GRIN2A: variants seen among roughly 807,000 people sequenced by gnomAD.
GRIN2A encodes glutamate ionotropic receptor NMDA type subunit 2A.
In GRIN2A, 22 loss-of-function variants were observed where a neutral mutation model predicts 113.4. The observed-to-expected ratio is 0.19, with a 90% CI of 0.14 to 0.28. The LOEUF is 0.28. Among genes scored for constraint, GRIN2A ranks in the 10% least tolerant of loss-of-function variants. The probability of loss-of-function intolerance (pLI) is 1.00; values close to 1 mark genes in which losing one functional copy is unlikely to be tolerated. For synonymous variants in GRIN2A, 827 were observed against 738.4 expected (o/e 1.12, Z -1.94); for missense variants, 1,502 against 1,887.0 (o/e 0.80, Z 3.78).
At chr16:9,974,475 C>T (rs1212448820) in intron 2 of GRIN2A, among the ~76,000 whole-genome samples, 1 of 152,196 alleles carries the variant, frequency 6.6e-6, no homozygotes, top group African/African-American at 2.4e-5. Context: ...CTCAATCGAT[C>T]ACGACCCTCT....
intron 4 of GRIN2A, among the ~76,000 whole-genome samples, chr16:9,850,889 G>A (rs575902160): frequency 2.0e-5 from 3 of 152,030 alleles, no homozygotes; most frequent in African/African-American, 4.8e-5. Flanking sequence ...TCACATACAC[G>A]CTGGGAGGAA....
At chr16:9,974,573 C>A (rs539529603) in intron 2 of GRIN2A, among the ~76,000 whole-genome samples, 3 of 152,084 alleles carry the variant, frequency 2.0e-5, no homozygotes, top group Non-Finnish European at 2.9e-5. Flanking sequence ...GGAGTCTTGC[C>A]GATGCTCGCG....
intron 3 of GRIN2A, among the ~76,000 whole-genome samples, chr16:9,900,853 T>C (rs2043907872): frequency 6.6e-6 from 1 of 152,156 alleles, no homozygotes; most frequent in Non-Finnish European, 1.5e-5. Flanking sequence ...CCAGCTCACA[T>C]AATGAGCTTC....
intron 2 of GRIN2A, among the ~76,000 whole-genome samples, chr16:10,113,078 CCCTGGGCCAGGCTG>C (rs1177276303): frequency 6.7e-6 from 1 of 149,506 alleles, no homozygotes; most frequent in East Asian, 2.0e-4. Context: ...CGGGCCTGCT[CCCTGGGCCAGGCTG>C]CCTGGGGGCG....
chr16:10,096,192 C>G (rs908589167), intron 2 of GRIN2A, among the ~76,000 whole-genome samples: 1 of 152,146 alleles, frequency 6.6e-6, no homozygotes, highest in Non-Finnish European at 1.5e-5. Context: ...GTTTTTTAGG[C>G]TCCTTGGGTG....
At chr16:10,169,980 A>G (rs1235175623) in intron 2 of GRIN2A, among the ~76,000 whole-genome samples, 2 of 152,166 alleles carry the variant, frequency 1.3e-5, no homozygotes, top group Non-Finnish European at 2.9e-5. Flanking sequence ...CAAACAAATA[A>G]AAAGTCTGTA....
rs2050285063 is a variant in GRIN2A at position 10,182,178 on chromosome 16, A to T, written c.-320T>A. 6.6e-6 allele frequency: 1 copy of T among 152,626 alleles called. No homozygotes were observed. Among genetic ancestry groups the T allele is most frequent in the African/African-American group, 2.4e-5 (1 of 41,456 alleles). 9.5% of individuals were successfully genotyped at this position (152,626 alleles called of 1,614,324 possible). On this transcript the variant is annotated 5_prime_UTR_variant, in exon 1 of 13. Coordinates refer to ENST00000330684, the MANE Select transcript of GRIN2A (RefSeq NM_001134407.3). ...TGCTCACAAGCCCCCCTATGCGCCC[A>T]GGGGGGCTAGACAAGAGGGGGGAAG...
chr16:9,859,135 C>G (rs188378999), intron 4 of GRIN2A, among the ~76,000 whole-genome samples: 34 of 152,142 alleles, frequency 2.2e-4, no homozygotes, highest in African/African-American at 8.2e-4. Flanking sequence ...CCCAATCAAC[C>G]TCACTATTCT....
chr16:10,111,101 T>C (rs560434752), intron 2 of GRIN2A, among the ~76,000 whole-genome samples: 1 of 152,372 alleles, frequency 6.6e-6, no homozygotes, highest in African/African-American at 2.4e-5. Context: ...GTTTGGAGGC[T>C]TTCAAGGGAT....
chr16:10,006,171 C>T (rs1321024282), intron 2 of GRIN2A, among the ~76,000 whole-genome samples: 4 of 152,230 alleles, frequency 2.6e-5, no homozygotes, highest in Admixed American at 2.0e-4. Context: ...TAACTGCAGT[C>T]GTAGAAGTCA....
At chr16:10,023,967 G>T (rs2046771797) in intron 2 of GRIN2A, among the ~76,000 whole-genome samples, 1 of 152,170 alleles carries the variant, frequency 6.6e-6, no homozygotes, top group Admixed American at 6.5e-5. Context: ...AACTGTCATT[G>T]TGCCTCTTGT....
chr16:10,036,396 A>G (rs997467998), intron 2 of GRIN2A, among the ~76,000 whole-genome samples: 2 of 139,290 alleles, frequency 1.4e-5, no homozygotes, highest in Admixed American at 1.4e-4. Flanking sequence ...TGGCTCATAG[A>G]TGGTGTTCTA....
chr16:9,955,918 C>T (rs1022043764), intron 2 of GRIN2A, among the ~76,000 whole-genome samples: 6 of 152,176 alleles, frequency 3.9e-5, no homozygotes. Flanking sequence ...GGGCAGAAAT[C>T]CCCAGGGGCT....
chr16:9,842,722 A>C (rs539227230), intron 5 of GRIN2A, among the ~76,000 whole-genome samples: 1 of 152,270 alleles, frequency 6.6e-6, no homozygotes, highest in Admixed American at 6.5e-5. Flanking sequence ...GGATCCCCTG[A>C]GGTTGGGAGT....
chr16:10,002,631 G>T (rs1881740286), intron 2 of GRIN2A, among the ~76,000 whole-genome samples: 1 of 152,214 alleles, frequency 6.6e-6, no homozygotes, highest in African/African-American at 2.4e-5. Flanking sequence ...AGGGTGTGTA[G>T]AGTGTGAGAT....
At chr16:9,913,094 A>C (rs915413449) in intron 3 of GRIN2A, among the ~76,000 whole-genome samples, 1 of 152,246 alleles carries the variant, frequency 6.6e-6, no homozygotes, top group African/African-American at 2.4e-5. Context: ...CTGATAGCTT[A>C]AAGTGTCAGC....
chr16:10,016,322 A>G (rs1262109234), intron 2 of GRIN2A, among the ~76,000 whole-genome samples: 2 of 152,082 alleles, frequency 1.3e-5, no homozygotes, highest in Non-Finnish European at 2.9e-5. Flanking sequence ...TACATGTTTC[A>G]TCTGTCACCC....
chr16:10,011,826 C>T (rs2046511210), intron 2 of GRIN2A, among the ~76,000 whole-genome samples: 1 of 152,172 alleles, frequency 6.6e-6, no homozygotes, highest in African/African-American at 2.4e-5. Flanking sequence ...CCTGTCCAAA[C>T]CCCTGAGCAC....
intron 5 of GRIN2A, among the ~76,000 whole-genome samples, chr16:9,846,526 C>G (rs141526107): frequency 1.3e-5 from 2 of 152,118 alleles, no homozygotes; most frequent in Admixed American, 6.5e-5. Flanking sequence ...GAGTTTGAAA[C>G]GAGGAAGTAA....
Sources: gnomAD v4.1 joint callset for allele counts (sites outside exome capture counted in the v4.1 genomes callset) on GRCh38, gnomAD v4.1.1 for gene constraint, MANE v1.5 for transcripts, NCBI Gene and HGNC (gene_info 2026-07-23, HGNC 2026-07-21) for gene names.